HIVEP3: variants seen among roughly 807,000 people sequenced by gnomAD.
HIVEP3 encodes transcription factor HIVEP3.
In HIVEP3, 49 loss-of-function variants were observed where a neutral mutation model predicts 152.8. That is an observed-to-expected ratio of 0.32 (90% CI 0.26 to 0.41). The LOEUF is 0.41. Ranked by LOEUF, HIVEP3 falls within the 10% of genes least tolerant of loss-of-function variation. The pLI is 1.00. For missense variants in HIVEP3, 2,790 were observed against 3,103.3 expected (o/e 0.90, Z 2.40); for synonymous variants, 1,269 against 1,289.0 (o/e 0.98, Z 0.33).
At chr1:41,671,235 G>A (rs1645871058) in intron 2 of HIVEP3, among the ~76,000 whole-genome samples, 1 of 152,232 alleles carries the variant, frequency 6.6e-6, no homozygotes, top group Non-Finnish European at 1.5e-5. Flanking sequence ...TCACTGCCCA[G>A]CCTCGACAGG....
chr1:41,894,316 AGAG>A (rs1644495747), intron 1 of HIVEP3, among the ~76,000 whole-genome samples: 1 of 152,216 alleles, frequency 6.6e-6, no homozygotes, highest in Non-Finnish European at 1.5e-5. Context: ...CCAGCTAGTA[AGAG>A]GAGGACACAG....
intron 1 of HIVEP3, among the ~76,000 whole-genome samples, chr1:42,004,985 T>C (rs1645450215): frequency 6.6e-6 from 1 of 152,166 alleles, no homozygotes; most frequent in South Asian, 2.1e-4. Flanking sequence ...GAACGGTCAA[T>C]ATCTGTTTCA....
intron 5 of HIVEP3, among the ~76,000 whole-genome samples, chr1:41,527,841 T>C (rs1353938581): frequency 3.7e-5 from 3 of 81,786 alleles, no homozygotes; most frequent in Admixed American, 1.3e-4. Flanking sequence ...CACAATCCAC[T>C]TCCCCACCCT....
chr1:41,563,279 G>A (rs968792956), intron 5 of HIVEP3, among the ~76,000 whole-genome samples: 1 of 151,936 alleles, frequency 6.6e-6, no homozygotes, highest in Non-Finnish European at 1.5e-5. Flanking sequence ...CCCAGGAGGC[G>A]GAGGTGGCAG....
chr1:41,581,818 C>A lies in HIVEP3; in HGVS notation c.2980G>T (p.Glu994Ter). Residue 994 changes from glutamate to a stop codon, truncating the protein, a stop_gained, in exon 4 of 9, where the codon GAG (glutamate) becomes TAG (stop). Transcript: ENST00000372583. LOFTEE classifies it high-confidence loss of function. The surrounding 1 kb of genome is among the most constrained non-coding windows in gnomAD (Gnocchi z 4.5). ...HAREMRRSAS[E>*]QSPNVSHSAH... ...GAATGGGAAACGTTGGGGCTCTGCTCTGAGGCTGACCTCCGCATCTCTCGG... is the reference window on the plus strand; with the variant it reads ...GAATGGGAAACGTTGGGGCTCTGCTATGAGGCTGACCTCCGCATCTCTCGG... The A allele has an allele frequency of 6.3e-7, 1 of 1,590,642 alleles. No individual in the cohort carries two copies. Among genetic ancestry groups the A allele is most frequent in the South Asian group, 1.2e-5 (1 of 86,236 alleles).
chr1:42,002,008 G>T (rs911735418), intron 1 of HIVEP3, among the ~76,000 whole-genome samples: 4 of 152,026 alleles, frequency 2.6e-5, no homozygotes, highest in African/African-American at 4.8e-5. Flanking sequence ...ACTAAAAGTA[G>T]CCCCAAATCC....
rs553170703 is a variant in HIVEP3, at chr1:41,698,659, C to T, written c.-721+2257G>A. Among the ~76,000 whole-genome samples the T allele has an allele frequency of 7.2e-5, 11 of 152,276 alleles. No individual in the cohort carries two copies. In the South Asian group the frequency reaches 1.9e-3, roughly 26 times the overall value. ...GACACCCCAACACATCCTGGTGTTT[C>T]CCGTGCCATGCCTTTCTCCACTGGG... On this transcript the variant is annotated intron_variant, in intron 2 of 8. Transcript: ENST00000372583.
chr1:41,633,861 C>T (rs1017644602), intron 2 of HIVEP3, among the ~76,000 whole-genome samples: 16 of 152,306 alleles, frequency 1.1e-4, no homozygotes, highest in South Asian at 2.1e-4. Context: ...ACCCTCCCTT[C>T]GGCAAGTGAG....
chr1:41,735,232 A>G (rs1281441101), intron 1 of HIVEP3, among the ~76,000 whole-genome samples: 5 of 152,224 alleles, frequency 3.3e-5, no homozygotes, highest in African/African-American at 1.2e-4. Context: ...AATAATTTCT[A>G]TTGAGTGCCT....
intron 4 of HIVEP3, among the ~76,000 whole-genome samples, chr1:41,576,443 C>T (rs561645852): frequency 6.6e-6 from 1 of 152,222 alleles, no homozygotes; most frequent in Non-Finnish European, 1.5e-5. Context: ...CTTCCACTAT[C>T]CCAAGAACAC....
chr1:42,008,128 C>CATAAA (rs201561816), intron 1 of HIVEP3, among the ~76,000 whole-genome samples: 8,631 of 152,206 alleles, frequency 0.057, 850 homozygotes, highest in African/African-American at 0.2. Flanking sequence ...AACTAGTAAA[C>CATAAA]AGCACTGAAA....
At chr1:42,021,911 G>A (rs893782387) in intron 1 of HIVEP3, among the ~76,000 whole-genome samples, 2 of 152,168 alleles carry the variant, frequency 1.3e-5, no homozygotes, top group Non-Finnish European at 2.9e-5. Flanking sequence ...GAAAAACCAG[G>A]TAACCAGGTT....
At chr1:41,719,469 T>C (rs774337260) in intron 1 of HIVEP3, among the ~76,000 whole-genome samples, 1 of 152,222 alleles carries the variant, frequency 6.6e-6, no homozygotes, top group Non-Finnish European at 1.5e-5. Flanking sequence ...TAGTGAGCCC[T>C]AGTGAGTTTT....
intron 1 of HIVEP3, among the ~76,000 whole-genome samples, chr1:41,889,015 A>G (rs1392330255): frequency 6.9e-6 from 1 of 144,556 alleles, no homozygotes; most frequent in East Asian, 2.0e-4. Context: ...ACATACACAC[A>G]CCACATACCT....
chr1:41,935,258 T>C (rs1476930729), intron 1 of HIVEP3, among the ~76,000 whole-genome samples: 2 of 152,150 alleles, frequency 1.3e-5, no homozygotes, highest in Non-Finnish European at 2.9e-5. Context: ...AAGAAACTCG[T>C]CAAATCCACA....
At chr1:41,631,161 T>G (rs1199637109) in intron 2 of HIVEP3, among the ~76,000 whole-genome samples, 1 of 152,228 alleles carries the variant, frequency 6.6e-6, no homozygotes, top group South Asian at 2.1e-4. Flanking sequence ...CCGTGCTCTT[T>G]GGAGGATGCT....
intron 1 of HIVEP3, among the ~76,000 whole-genome samples, chr1:41,794,507 G>T (rs1649874568): frequency 6.6e-6 from 1 of 152,112 alleles, no homozygotes; most frequent in African/African-American, 2.4e-5. Context: ...CTGCCAAAAT[G>T]CCCTTTGGAT....
At chr1:41,929,010 T>C (rs921674890) in intron 1 of HIVEP3, among the ~76,000 whole-genome samples, 5 of 152,178 alleles carry the variant, frequency 3.3e-5, no homozygotes, top group African/African-American at 1.2e-4. Flanking sequence ...TTACTATTTT[T>C]CCCTTTGCAA....
intron 2 of HIVEP3, among the ~76,000 whole-genome samples, chr1:41,652,383 G>A (rs1308546306): frequency 4.6e-5 from 7 of 152,172 alleles, no homozygotes; most frequent in Non-Finnish European, 7.3e-5. Flanking sequence ...AGTTTCCAAC[G>A]AGAGGCAATC....
Sources: allele counts gnomAD v4.1 joint callset (sites outside exome capture counted in the v4.1 genomes callset), GRCh38; gene constraint gnomAD v4.1.1; non-coding constraint Gnocchi (gnomAD v3.1); transcripts MANE v1.5; gene names NCBI Gene and HGNC (gene_info 2026-07-23, HGNC 2026-07-21).